Variants in ARHGAP29 observed in about 807,000 individuals in gnomAD.
The protein encoded by ARHGAP29 is Rho GTPase activating protein 29, also known as rho GTPase-activating protein 29.
A neutral mutation model predicts 122.6 loss-of-function variants in ARHGAP29; 43 were observed. The ratio of observed to expected loss-of-function variants is 0.35; its 90% CI spans 0.27 to 0.45. The LOEUF is 0.45. Among genes scored for constraint, ARHGAP29 ranks in the 20% least tolerant of loss-of-function variants. The pLI, the probability that ARHGAP29 is intolerant of heterozygous loss-of-function variation, is 1.00. For missense variants in ARHGAP29, 1,303 were observed against 1,477.2 expected (o/e 0.88, Z 1.93); for synonymous variants, 506 against 497.1 (o/e 1.02, Z -0.24).
rs186119334 is a variant in ARHGAP29 at position 94,204,068 on chromosome 1, T to A, written c.698-74A>T. The A allele has an allele frequency of 7.7e-5, 88 of 1,145,700 alleles. 1 individual carries two copies. Among genetic ancestry groups the A allele is most frequent in the Non-Finnish European group, 5.4e-5 (42 of 771,116 alleles). The allele number at this position is 1,145,700 out of a possible 1,614,324, so 71.0% of individuals were successfully genotyped here. ...CCCCTGTATACTCTAAAATTACTTGTAGTAATTCCACAATTAAGAAGTGAT... is the reference window on the plus strand; with the variant it reads ...CCCCTGTATACTCTAAAATTACTTGAAGTAATTCCACAATTAAGAAGTGAT... On this transcript the variant is annotated intron_variant, in intron 7 of 22. Transcript: ENST00000260526.
rs1211314921 is a variant in ARHGAP29 at position 94,178,141 on chromosome 1, T to C, written c.2507A>G (p.Lys836Arg). 3 of 1,613,906 alleles carry C rather than the reference T, an allele frequency of 1.9e-6. No homozygotes were observed. The highest frequency in any genetic ancestry group is 2.5e-6 in the Non-Finnish European group (3 of 1,179,880). Residue 836 changes from lysine (K) to arginine (R), a missense_variant, in exon 21 of 23, where the codon AAG (lysine) becomes AGG (arginine). Physicochemically the swap from Lys to Arg is conservative, Grantham distance 26 (BLOSUM62 2). Coordinates refer to ENST00000260526, the MANE Select transcript of ARHGAP29 (RefSeq NM_004815.4). ...KRVVDHAEEN[K>R]MNSKNLGVIF... ...CACCCCCAAGTTTTTGGAGTTCATC[T>C]TGTTTTCTTCTGCATGATCTACTAC...
At chr1:94,188,691 G>T in intron 15 of ARHGAP29, 146 bp downstream of exon 15, 1 of 665,164 alleles carries the variant, frequency 1.5e-6, no homozygotes, top group Non-Finnish European at 2.5e-6. Context: ...ATATATGAGG[G>T]GTTTTTAAAA....
upstream of ARHGAP29, among the ~76,000 whole-genome samples, chr1:94,238,053 ATTTTTTTTT>A (rs71717670): frequency 3.2e-3 from 196 of 61,060 alleles, no homozygotes; most frequent in Non-Finnish European, 4.4e-3. Flanking sequence ...GCCTATCTGT[ATTTTTTTTT>A]TTTTTTTTTT....
At chr1:94,206,873 G>A (rs1027044366) in intron 5 of ARHGAP29, among the ~76,000 whole-genome samples, 9 of 151,138 alleles carry the variant, frequency 6.0e-5, no homozygotes, top group Non-Finnish European at 2.9e-5. Flanking sequence ...CAGCCCAGGT[G>A]AAGGAGTTCT....
Position 94,184,182 on chromosome 1 carries a change from A to G in ARHGAP29, c.2216T>C (p.Ile739Thr). 1 of 1,609,934 alleles carries G rather than the reference A, an allele frequency of 6.2e-7. No individual in the cohort carries two copies. The highest frequency in any genetic ancestry group is 8.5e-7 in the Non-Finnish European group (1 of 1,178,748). The change falls in exon 19 of 23, where the codon ATC becomes ACC. Residue 739 changes from isoleucine to threonine, a missense_variant. Ile to Thr is a moderately conservative substitution (Grantham distance 89). Transcript: ENST00000260526. ...AAGGTATAATTTCAAGACGTCACAGATATCATGTGAACTAAATTCTGAAAT... is the reference window on the plus strand; with the variant it reads ...AAGGTATAATTTCAAGACGTCACAGGTATCATGTGAACTAAATTCTGAAAT... ...VDISEFSSHD[I>T]CDVLKLYLRQ...
intron 1 of ARHGAP29, among the ~76,000 whole-genome samples, chr1:94,268,243 C>T (rs768215741): frequency 1.1e-4 from 16 of 152,138 alleles, no homozygotes; most frequent in Admixed American, 4.6e-4. Context: ...TCAAAGATAT[C>T]CGCTTTACTA....
the ARHGAP29 span, among the ~76,000 whole-genome samples, chr1:94,292,960 C>T: frequency 4.6e-5 from 7 of 152,186 alleles, 1 homozygote; most frequent in African/African-American, 9.6e-5. Flanking sequence ...GGACCTTGAA[C>T]GCCATGCTGG....
chr1:94,308,784 T>C, the ARHGAP29 span, among the ~76,000 whole-genome samples: 2 of 152,212 alleles, frequency 1.3e-5, no homozygotes, highest in African/African-American at 4.8e-5. Flanking sequence ...GGTGTCCACT[T>C]GGCATTTATG....
the ARHGAP29 span, among the ~76,000 whole-genome samples, chr1:94,293,364 G>A: frequency 3.3e-5 from 5 of 152,190 alleles, no homozygotes; most frequent in South Asian, 2.1e-4. Flanking sequence ...GAAGTGTACC[G>A]TTCCTTCAGG....
chr1:94,313,272 C>T, the ARHGAP29 span, among the ~76,000 whole-genome samples: 10 of 152,182 alleles, frequency 6.6e-5, no homozygotes, highest in Admixed American at 6.5e-4. Flanking sequence ...TTGCTTCTTC[C>T]TCTCATTAGG....
chr1:94,203,486 A>G (rs897127745), intron 8 of ARHGAP29, among the ~76,000 whole-genome samples: 6 of 152,218 alleles, frequency 3.9e-5, no homozygotes, highest in Non-Finnish European at 8.8e-5. Context: ...TATAATCCCA[A>G]TACTCTGGGA....
chr1:94,189,911 T>A lies in ARHGAP29; in HGVS notation c.1439+15A>T, dbSNP rs756470957. 5.0e-6 allele frequency: 8 copies of A among 1,611,008 alleles called. No individual in the cohort carries two copies. Among genetic ancestry groups the A allele is most frequent in the Non-Finnish European group, 6.8e-6 (8 of 1,178,036 alleles). ...TTATATTTTGAAATAATTTTGTCTG[T>A]ACATTAATTCTCACCCATCAACTTT... On this transcript the variant is annotated intron_variant, in intron 13 of 22. Coordinates refer to ENST00000260526, the MANE Select transcript of ARHGAP29 (RefSeq NM_004815.4).
intron 2 of ARHGAP29, among the ~76,000 whole-genome samples, chr1:94,226,995 A>G (rs1239180377): frequency 2.0e-5 from 3 of 151,970 alleles, no homozygotes; most frequent in Non-Finnish European, 4.4e-5. Flanking sequence ...AAAGAAATTT[A>G]CACATCCTCC....
Position 94,267,672 on chromosome 1 carries a change from C to T in ARHGAP29, c.-33+7340G>A, listed in dbSNP as rs145710567. On this transcript the variant is annotated intron_variant and NMD_transcript_variant, in intron 1 of 25. Coordinates refer to the ARHGAP29 transcript ENST00000552844. ...AATAATGAAATAGTGGGCTCCAGTGCCAAACAAATCTGGAATCGTATCCTG... is the reference window on the plus strand; with the variant it reads ...AATAATGAAATAGTGGGCTCCAGTGTCAAACAAATCTGGAATCGTATCCTG... Among the ~76,000 whole-genome samples the T allele has an allele frequency of 4.0e-3, 606 of 152,200 alleles. 6 individuals carry two copies. Among genetic ancestry groups the T allele is most frequent in the Non-Finnish European group, 4.5e-3 (307 of 68,016 alleles).
chr1:94,302,556 A>G, the ARHGAP29 span: 1 of 335,040 alleles, frequency 3.0e-6, no homozygotes, highest in South Asian at 2.4e-5. Context: ...AGTCCATGCC[A>G]TCACTGCTAC....
Position 94,174,088 on chromosome 1 carries a change from T to G in ARHGAP29, c.3567A>C (p.Ala1189=). 4.3e-6 allele frequency: 7 copies of G among 1,614,222 alleles called. No individual in the cohort carries two copies. The highest frequency in any genetic ancestry group is 5.9e-6 in the Non-Finnish European group (7 of 1,180,032). The stretch of plus-strand genomic sequence containing the variant: ...GATCGTGATCTGTGCCAGGAGGCAC[T>G]GCTGCTGAGGGTGAAGCTGGCTTCT... ...NEEKPASPSA[A]VPPGTDHDPH... is the part of the protein sequence containing the mutation. The change falls in exon 23 of 23, where the codon GCA becomes GCC. Residue 1189 remains alanine (A), a synonymous_variant. Coordinates refer to ENST00000260526, the MANE Select transcript of ARHGAP29 (RefSeq NM_004815.4).
the ARHGAP29 span, among the ~76,000 whole-genome samples, chr1:94,309,551 A>G: frequency 5.4e-4 from 83 of 152,324 alleles, no homozygotes; most frequent in African/African-American, 2.0e-3. Context: ...ATTGTGAACA[A>G]GTACAAAGGA....
At chr1:94,311,340 C>T in the ARHGAP29 span, among the ~76,000 whole-genome samples, 1 of 152,114 alleles carries the variant, frequency 6.6e-6, no homozygotes, top group Admixed American at 6.5e-5. Context: ...GCAAAACTCC[C>T]AATGGAATCA....
At chr1:94,194,841 A>C (rs1650353387) in intron 12 of ARHGAP29, 1 of 152,234 alleles carries the variant, frequency 6.6e-6, no homozygotes, top group Non-Finnish European at 1.5e-5. Flanking sequence ...AAAAACCATT[A>C]TGTTTTGATA....
Sources: gnomAD v4.1 joint callset for allele counts (sites outside exome capture counted in the v4.1 genomes callset) on GRCh38, gnomAD v4.1.1 for gene constraint, MANE v1.5 for transcripts, NCBI Gene and HGNC (gene_info 2026-07-23, HGNC 2026-07-21) for gene names.